Variants in FANK1 observed in about 807,000 individuals in gnomAD.
FANK1 encodes the protein fibronectin type 3 and ankyrin repeat domains protein 1.
In FANK1, 44 loss-of-function variants were observed where a neutral mutation model predicts 45.3. The ratio of observed to expected loss-of-function variants is 0.97; its 90% CI spans 0.76 to 1.25. FANK1 has a LOEUF of 1.25. Among genes scored for constraint, FANK1 ranks in the 50% most tolerant of loss-of-function variants. The pLI is 0.00. For synonymous variants in FANK1, 149 were observed against 152.5 expected, an observed-to-expected ratio of 0.98 and a Z score of 0.17; for missense variants, 391 against 424.4, an observed-to-expected ratio of 0.92 and a Z score of 0.69.
At chr10:125,964,239 C>T (rs1950092736) in intron 1 of FANK1, among the ~76,000 whole-genome samples, 1 of 126,450 alleles carries the variant, frequency 7.9e-6, no homozygotes, top group Non-Finnish European at 1.5e-5. Context: ...GTCACCCGGG[C>T]TGGAGTTCAG....
chr10:126,008,070 A>C (rs1953367123), intron 7 of FANK1, among the ~76,000 whole-genome samples: 2 of 152,218 alleles, frequency 1.3e-5, no homozygotes, highest in Non-Finnish European at 2.9e-5. Context: ...AGCTGCTTAC[A>C]ACAATACATA....
At chr10:125,942,492 C>A (rs1311077776) in intron 1 of FANK1, among the ~76,000 whole-genome samples, 1 of 152,148 alleles carries the variant, frequency 6.6e-6, no homozygotes, top group Non-Finnish European at 1.5e-5. Flanking sequence ...TGAGAACTCT[C>A]AGCAAATCTT....
intron 1 of FANK1, among the ~76,000 whole-genome samples, chr10:125,965,151 C>T (rs969410355): frequency 6.6e-5 from 10 of 152,102 alleles, no homozygotes; most frequent in African/African-American, 2.2e-4. Context: ...AGCAAAACTC[C>T]GTCTCTAAAT....
intron 1 of FANK1, among the ~76,000 whole-genome samples, chr10:125,971,487 T>C (rs1950510828): frequency 6.6e-6 from 1 of 151,940 alleles, no homozygotes; most frequent in Non-Finnish European, 1.5e-5. Context: ...GTTTGCATTG[T>C]CTCACTTTTT....
chr10:125,922,949 T>TC (rs1947048534), intron 1 of FANK1, among the ~76,000 whole-genome samples: 1 of 152,182 alleles, frequency 6.6e-6, no homozygotes, highest in Admixed American at 6.5e-5. Context: ...TGGGGAGTCT[T>TC]CTTTTTTTAT....
intron 2 of FANK1, among the ~76,000 whole-genome samples, chr10:125,981,622 C>T (rs1245958894): frequency 6.6e-6 from 1 of 151,870 alleles, no homozygotes; most frequent in Non-Finnish European, 1.5e-5. Flanking sequence ...TTCAGGAATA[C>T]CAAAAATGAG....
chr10:125,985,152 C>T (rs1415315655), intron 2 of FANK1, among the ~76,000 whole-genome samples: 1 of 152,190 alleles, frequency 6.6e-6, no homozygotes, highest in African/African-American at 2.4e-5. Flanking sequence ...TCAGGGTGAC[C>T]TTATGATATT....
intron 2 of FANK1, among the ~76,000 whole-genome samples, chr10:125,987,536 C>T (rs1267967476): frequency 6.6e-6 from 1 of 151,996 alleles, no homozygotes; most frequent in Admixed American, 6.6e-5. Flanking sequence ...ATGACACACA[C>T]ACACACACAC....
At chr10:125,993,048 C>T (rs1021597918) in intron 3 of FANK1, among the ~76,000 whole-genome samples, 9 of 152,136 alleles carry the variant, frequency 5.9e-5, no homozygotes, top group African/African-American at 1.7e-4. Flanking sequence ...CCTAACTGGG[C>T]GACCTTGGAC....
intron 1 of FANK1, among the ~76,000 whole-genome samples, chr10:125,951,308 A>C (rs1009502089): frequency 6.6e-6 from 1 of 151,898 alleles, no homozygotes; most frequent in African/African-American, 2.4e-5. Context: ...TCTTATAACT[A>C]TTTGCTCATA....
In FANK1 at chr10:125,969,983, T is replaced by C. The variant is rs150688485; in HGVS notation, c.14-10178T>C. On this transcript the variant is annotated intron_variant, in intron 1 of 10. Transcript: ENST00000368693. ...AACAGCATCCCAAGGCAGAAGAATT[T>C]TTCTTAGTACAGAACGAAATGGAGT... is the stretch of plus-strand genomic sequence containing the variant. Among the ~76,000 whole-genome samples the C allele has an allele frequency of 1.6e-3, 248 of 152,316 alleles. 1 individual carries two copies. Among genetic ancestry groups the C allele is most frequent in the South Asian group, 8.9e-3 (43 of 4,822 alleles).
At chr10:125,996,509 T>A in intron 4 of FANK1, 41 bp from the exon 5 acceptor site, 4 of 1,595,532 alleles carry the variant, frequency 2.5e-6, no homozygotes, top group Non-Finnish European at 3.4e-6. Flanking sequence ...CTGCAGTAGC[T>A]GTACTGAGCA....
chr10:125,924,127 ACC>A (rs1947147623), intron 1 of FANK1, among the ~76,000 whole-genome samples: 1 of 150,984 alleles, frequency 6.6e-6, no homozygotes, highest in African/African-American at 2.4e-5. Flanking sequence ...AAACCAAAAA[ACC>A]CACAAGTTTT....
chr10:125,951,236 TAAAA>T (rs71029275), intron 1 of FANK1, among the ~76,000 whole-genome samples: 19 of 131,646 alleles, frequency 1.4e-4, no homozygotes, highest in Admixed American at 8.7e-4. Flanking sequence ...ACTTAAAGTA[TAAAA>T]AAAAAAAAAA....
intron 1 of FANK1, among the ~76,000 whole-genome samples, chr10:125,918,197 A>G (rs1292054512): frequency 6.6e-6 from 1 of 152,290 alleles, no homozygotes; most frequent in Admixed American, 6.5e-5. Flanking sequence ...TGTTCTGGAG[A>G]TGGATGGTGG....
intron 1 of FANK1, among the ~76,000 whole-genome samples, chr10:125,898,023 A>G (rs377359172): frequency 6.0e-4 from 63 of 105,106 alleles, no homozygotes; most frequent in East Asian, 7.9e-4. Flanking sequence ...AAAAAAAAAA[A>G]AAAAAAAAAA....
At chr10:125,932,905 A>G (rs1947843329) in intron 1 of FANK1, among the ~76,000 whole-genome samples, 2 of 152,150 alleles carry the variant, frequency 1.3e-5, no homozygotes, top group South Asian at 2.1e-4. Context: ...TGAGAGTTTT[A>G]ATCATAAAGT....
chr10:125,963,224 T>A (rs1293065864), intron 1 of FANK1, among the ~76,000 whole-genome samples: 6 of 152,252 alleles, frequency 3.9e-5, no homozygotes, highest in Admixed American at 3.9e-4. Flanking sequence ...CCTCAGGTGA[T>A]CCACCTGCCT....
chr10:125,959,139 G>A (rs2134176252), intron 1 of FANK1, among the ~76,000 whole-genome samples: 1 of 152,248 alleles, frequency 6.6e-6, no homozygotes, highest in South Asian at 2.1e-4. Flanking sequence ...GCTCATGCCT[G>A]TAATCCCAGC....
Sources: gnomAD v4.1 joint callset for allele counts (sites outside exome capture counted in the v4.1 genomes callset) on GRCh38, gnomAD v4.1.1 for gene constraint, MANE v1.5 for transcripts, NCBI Gene and HGNC (gene_info 2026-07-23, HGNC 2026-07-21) for gene names.